ATXN2L: variants seen among roughly 807,000 people sequenced by gnomAD.
The protein encoded by ATXN2L is ataxin-2-like protein.
In ATXN2L, 24 loss-of-function variants were observed where a neutral mutation model predicts 120.7. That is an observed-to-expected ratio of 0.20 (90% CI 0.14 to 0.28). The LOEUF (loss-of-function observed/expected upper bound fraction) is 0.28. Among genes scored for constraint, ATXN2L ranks in the 10% least tolerant of loss-of-function variants. The pLI, the probability that ATXN2L is intolerant of heterozygous loss-of-function variation, is 1.00. For synonymous variants in ATXN2L, 653 were observed against 568.1 expected (o/e 1.15, Z -2.13); for missense variants, 1,312 against 1,432.3 (o/e 0.92, Z 1.36).
intron 1 of ATXN2L, chr16:28,824,040 C>G (rs564698895): frequency 8.6e-4 from 818 of 953,950 alleles, no homozygotes; most frequent in South Asian, 1.5e-3. Context: ...GCTGCCTCCC[C>G]CTTCCCGGTC....
chr16:28,823,226 C>T lies in ATXN2L; in HGVS notation c.-34C>T, dbSNP rs769277884. 5.1e-6 allele frequency: 7 copies of T among 1,372,008 alleles called. No homozygotes were observed. Among genetic ancestry groups the T allele is most frequent in the Non-Finnish European group, 6.6e-6 (7 of 1,057,180 alleles). The allele number at this position is 1,372,008 out of a possible 1,614,324, so 85.0% of individuals were successfully genotyped here. On this transcript the variant is annotated 5_prime_UTR_variant, in exon 1 of 22. Coordinates refer to ENST00000336783, the MANE Select transcript of ATXN2L (RefSeq NM_007245.4). ...CAGCCCCGGCCCCCTCTCTCCCTCC[C>T]TTCTCTCTAATTCCCCTTCCGGACG... is the stretch of plus-strand genomic sequence containing the variant.
chr16:28,824,237 C>T (rs2050837631), intron 1 of ATXN2L: 9 of 1,103,996 alleles, frequency 8.2e-6, no homozygotes, highest in Non-Finnish European at 1.0e-5. Context: ...TGGAGGGGCT[C>T]GTCTGGTGGC....
rs775420481 is a variant in ATXN2L at position 28,830,564 on chromosome 16, C to A, written c.1035-51C>A. The A allele has an allele frequency of 3.5e-5, 52 of 1,499,192 alleles. 1 individual carries two copies. The Admixed American group carries it at 8.9e-4, about 26-fold the overall frequency. The allele number at this position is 1,499,192 out of a possible 1,614,324, so 92.9% of individuals were successfully genotyped here. A position where few individuals can be genotyped will look rare whatever the true frequency, so the allele number is the denominator to read the frequency against. ...TAGAAGAAGAAATGGCTTCATCTTT[C>A]CAAAACGTGGGTTTTGTGGCTACCT... On this transcript the variant is annotated intron_variant, in intron 8 of 21. Coordinates refer to ENST00000336783, the MANE Select transcript of ATXN2L (RefSeq NM_007245.4).
rs777580995 is a variant in ATXN2L at position 28,836,401 on chromosome 16, C to T, written c.*136C>T. On this transcript the variant is annotated 3_prime_UTR_variant, in exon 22 of 22. Coordinates refer to ENST00000336783, the MANE Select transcript of ATXN2L (RefSeq NM_007245.4). ...GGCTCTGTCCTTTGCTTCCCTCCGTCCTCGCTCAGTTGTGATCCAGCAGCC... is the reference window on the plus strand; with the variant it reads ...GGCTCTGTCCTTTGCTTCCCTCCGTTCTCGCTCAGTTGTGATCCAGCAGCC... 1 of 1,613,480 alleles carries T rather than the reference C, an allele frequency of 6.2e-7. No homozygotes were observed. Among genetic ancestry groups the T allele is most frequent in the Non-Finnish European group, 8.5e-7 (1 of 1,179,930 alleles).
chr16:28,831,454 A>C (rs1477743965), intron 10 of ATXN2L, among the ~76,000 whole-genome samples: 1 of 152,046 alleles, frequency 6.6e-6, no homozygotes, highest in South Asian at 2.1e-4. Context: ...CAGCCTCCCA[A>C]GTAGCTGGGA....
chr16:28,830,423 G>A (rs2053936282), intron 8 of ATXN2L, among the ~76,000 whole-genome samples, 192 bp from the exon 9 acceptor site: 1 of 152,158 alleles, frequency 6.6e-6, no homozygotes, highest in African/African-American at 2.4e-5. Context: ...CAGAGTTGAT[G>A]TCACATGAGG....
chr16:28,831,972 G>A (rs537160922), intron 10 of ATXN2L, among the ~76,000 whole-genome samples: 8 of 152,288 alleles, frequency 5.3e-5, no homozygotes, highest in East Asian at 1.9e-4. Context: ...GCCTTGCTGC[G>A]TAGCTTGAGT....
chr16:28,824,917 C>G (rs2051248639), intron 1 of ATXN2L, among the ~76,000 whole-genome samples: 1 of 151,998 alleles, frequency 6.6e-6, no homozygotes, highest in South Asian at 2.1e-4. Context: ...GTTTGAAAAT[C>G]TTATTTATTG....
At chr16:28,832,714 C>A in intron 12 of ATXN2L, 103 bp from the exon 13 acceptor site, 2 of 1,424,604 alleles carry the variant, frequency 1.4e-6, no homozygotes, top group Non-Finnish European at 1.9e-6. Flanking sequence ...TCAAGAGTTT[C>A]TCTTTTTTCT....
rs751136628 is a variant in ATXN2L, at chr16:28,833,198, C to T, written c.1799C>T (p.Thr600Ile). Residue 600 changes from threonine to isoleucine, a missense_variant, in exon 14 of 22, where the codon ACA becomes ATA. Coordinates refer to ENST00000336783, the MANE Select transcript of ATXN2L (RefSeq NM_007245.4). The part of the protein sequence containing the change: ...EPMGSPVSSK[T>I]ESVSDKEDKP... ...ATGGGGTCTCCCGTCTCCTCCAAGA[C>T]AGAGTCCGTATCGGATAAGGAGGAC... 6.2e-7 allele frequency: 1 copy of T among 1,614,112 alleles called. No individual in the cohort carries two copies. The highest frequency in any genetic ancestry group is 1.1e-5 in the South Asian group (1 of 91,094).
intron 9 of ATXN2L, 58 bp from the exon 10 acceptor site, chr16:28,830,903 TA>T: frequency 6.8e-7 from 1 of 1,474,452 alleles, no homozygotes. Context: ...GGTGGGAATG[TA>T]ATAGGTCGTC....
In ATXN2L at chr16:28,834,210, A is replaced by G. The variant is rs1567430913; in HGVS notation, c.2171A>G (p.Gln724Arg). ...IPQIHMGPAV[Q>R]APQMYPYPVS... is the part of the protein sequence containing the mutation. ...CAGATCCACATGGGACCAGCTGTGC[A>G]GGTATGCAGAGAGACTGGCCGGGCC... Residue 724 changes from glutamine to arginine, a missense_variant and splice_region_variant, in exon 16 of 22, where the codon CAG becomes CGG. Gln to Arg is a conservative substitution (Grantham distance 43). Coordinates refer to ENST00000336783, the MANE Select transcript of ATXN2L (RefSeq NM_007245.4). The G allele has an allele frequency of 6.2e-7, 1 of 1,613,142 alleles. No individual in the cohort carries two copies. Among genetic ancestry groups the G allele is most frequent in the Non-Finnish European group, 8.5e-7 (1 of 1,179,288 alleles).
intron 8 of ATXN2L, 36 bp from the exon 9 acceptor site, chr16:28,830,579 T>C: frequency 6.6e-7 from 1 of 1,520,046 alleles, no homozygotes; most frequent in South Asian, 1.3e-5. Context: ...ACGTGGGTTT[T>C]GTGGCTACCT....
rs1171766258 is a variant in ATXN2L, at chr16:28,836,107, A to G, written c.3070A>G (p.Ile1024Val). 5.6e-6 allele frequency: 9 copies of G among 1,613,378 alleles called. No individual in the cohort carries two copies. Among genetic ancestry groups the G allele is most frequent in the Middle Eastern group, 1.6e-4 (1 of 6,082 alleles). Residue 1024 changes from isoleucine (I) to valine (V), a missense_variant, in exon 22 of 22, where the codon ATC becomes GTC. Physicochemically the swap from Ile to Val is conservative, Grantham distance 29. Transcript: ENST00000336783. Reference protein sequence around the residue: ...SASTPSPYPYIGHPQGEQPGQ... With the variant: ...SASTPSPYPYVGHPQGEQPGQ... Reference sequence around the variant, plus strand: ...TTCCACACCCTCACCCTACCCCTACATCGGACACCCCCAAGGTGAGCAGCC... The same window carrying G: ...TTCCACACCCTCACCCTACCCCTACGTCGGACACCCCCAAGGTGAGCAGCC...
chr16:28,825,522 C>G lies in ATXN2L; in HGVS notation c.337-102C>G. 3 of 1,532,170 alleles carry G rather than the reference C, an allele frequency of 2.0e-6. No individual in the cohort carries two copies. The East Asian group carries it at 6.7e-5, about 34-fold the overall frequency. 94.9% of individuals were successfully genotyped at this position (1,532,170 alleles called of 1,614,324 possible). A position where few individuals can be genotyped will look rare whatever the true frequency, so the allele number is the denominator to read the frequency against. ...GTACTCAGGAGGGCTGTGGGCCCGG[C>G]ACACACAAGGCAGAATGAGTAGAGT... is the stretch of plus-strand genomic sequence containing the variant. On this transcript the variant is annotated intron_variant, in intron 2 of 21. Coordinates refer to ENST00000336783, the MANE Select transcript of ATXN2L (RefSeq NM_007245.4).
rs200446825 is a variant in ATXN2L at position 28,826,896 on chromosome 16, G to A, written c.651G>A (p.Ser217=). ...KFTDSAIAMN[S]KVNGEHKEKV... is the part of the protein sequence containing the mutation. ...CCGATTCAGCCATTGCCATGAACTCGAAAGTGAATGGGGAACACAAAGAGA... is the reference window on the plus strand; with the variant it reads ...CCGATTCAGCCATTGCCATGAACTCAAAAGTGAATGGGGAACACAAAGAGA... The change falls in exon 6 of 22, where the codon TCG becomes TCA. Residue 217 remains serine (S), a synonymous_variant. Coordinates refer to ENST00000336783, the MANE Select transcript of ATXN2L (RefSeq NM_007245.4). 33 of 1,598,538 alleles carry A rather than the reference G, an allele frequency of 2.1e-5. No homozygotes were observed. Among genetic ancestry groups the A allele is most frequent in the Admixed American group, 1.4e-4 (8 of 58,676 alleles).
rs2054033872 is a variant in ATXN2L, at chr16:28,830,628, A to G, written c.1048A>G (p.Ile350Val). The G allele has an allele frequency of 1.3e-6, 2 of 1,592,106 alleles. No homozygotes were observed. Among genetic ancestry groups the G allele is most frequent in the Non-Finnish European group, 1.7e-6 (2 of 1,170,412 alleles). ...PSLASREGKYIPLPQRVREGP... is the reference protein window; with the variant it reads ...PSLASREGKYVPLPQRVREGP... ...CTCTTTCCTCAGGGAGGGGAAGTAT[A>G]TCCCTCTGCCTCAACGAGTCCGGGA... The change falls in exon 9 of 22, where the codon ATC becomes GTC. Residue 350 changes from isoleucine (I) to valine (V), a missense_variant. Transcript: ENST00000336783.
rs759362826 is a variant in ATXN2L at position 28,834,160 on chromosome 16, C to A, written c.2121C>A (p.Ser707Arg). ...CAGCAGGCCAGAGTGGGCTATACAG[C>A]CCCCAGTACATCTCCTACATACCTC... ...VLTAGQSGLY[S>R]PQYISYIPQI... The change falls in exon 16 of 22, where the codon AGC becomes AGA. Residue 707 changes from serine to arginine, a missense_variant. By Grantham distance (110) the Ser-to-Arg change is moderately radical. Coordinates refer to ENST00000336783, the MANE Select transcript of ATXN2L (RefSeq NM_007245.4). The A allele has an allele frequency of 6.2e-7, 1 of 1,614,142 alleles. No individual in the cohort carries two copies. Among genetic ancestry groups the A allele is most frequent in the Non-Finnish European group, 8.5e-7 (1 of 1,180,016 alleles).
chr16:28,831,408 G>A (rs944011049), intron 10 of ATXN2L, among the ~76,000 whole-genome samples: 13 of 152,074 alleles, frequency 8.5e-5, no homozygotes, highest in African/African-American at 3.1e-4. Flanking sequence ...GCTCACTGCA[G>A]CCTCCACCCC....
Sources: gnomAD v4.1 joint callset for allele counts (sites outside exome capture counted in the v4.1 genomes callset) on GRCh38, gnomAD v4.1.1 for gene constraint, MANE v1.5 for transcripts, NCBI Gene and HGNC (gene_info 2026-07-23, HGNC 2026-07-21) for gene names.